Variants in ARK2C observed in about 807,000 individuals in gnomAD.
ARK2C encodes arkadia (RNF111) C-terminal like ring finger ubiquitin ligase 2C, also known as E3 ubiquitin-protein ligase ARK2C.
chr18:46,339,202 C>A, the ARK2C span, among the ~76,000 whole-genome samples: 2 of 152,158 alleles, frequency 1.3e-5, no homozygotes, highest in African/African-American at 4.8e-5. Context: ...CTTAGAAAGC[C>A]TCCAATCCAA....
chr18:46,360,814 C>G, the ARK2C span, among the ~76,000 whole-genome samples: 1 of 152,338 alleles, frequency 6.6e-6, no homozygotes, highest in African/African-American at 2.4e-5. Flanking sequence ...GGCAGGGTCA[C>G]AGGGCCCACC....
chr18:46,439,229 G>A, the ARK2C span, among the ~76,000 whole-genome samples: 1 of 152,244 alleles, frequency 6.6e-6, no homozygotes. Flanking sequence ...AAGGCTGATG[G>A]CTTTGTTGGG....
chr18:46,437,339 T>G, the ARK2C span, among the ~76,000 whole-genome samples: 1 of 152,268 alleles, frequency 6.6e-6, no homozygotes, highest in South Asian at 2.1e-4. Flanking sequence ...ATCCCAGCCC[T>G]CTTTTCTAGA....
chr18:46,428,638 T>G, the ARK2C span, among the ~76,000 whole-genome samples: 25 of 152,242 alleles, frequency 1.6e-4, no homozygotes, highest in Non-Finnish European at 3.2e-4. Context: ...TAGGGCGAAT[T>G]GACATGTGTG....
At chr18:46,379,806 C>T in the ARK2C span, among the ~76,000 whole-genome samples, 10 of 152,212 alleles carry the variant, frequency 6.6e-5, no homozygotes, top group Admixed American at 2.0e-4. Flanking sequence ...GTTTCAGGGC[C>T]CGTTCAAGAG....
the ARK2C span, among the ~76,000 whole-genome samples, chr18:46,402,060 C>G: frequency 6.6e-6 from 1 of 152,338 alleles, no homozygotes; most frequent in Non-Finnish European, 1.5e-5. Flanking sequence ...GGCAGTCACT[C>G]CACTGTTTTG....
the ARK2C span, among the ~76,000 whole-genome samples, chr18:46,413,085 T>A: frequency 6.6e-6 from 1 of 152,134 alleles, no homozygotes. Flanking sequence ...TGGCACTCTG[T>A]TCAAGTTTGT....
chr18:46,453,392 C>T, the ARK2C span, among the ~76,000 whole-genome samples: 12 of 152,116 alleles, frequency 7.9e-5, no homozygotes, highest in Admixed American at 3.9e-4. Flanking sequence ...CGAGGATGCA[C>T]GCCTCACCTG....
the ARK2C span, chr18:46,334,695 TGTGTGTGTGTGTGTGTGTGTGAGAGA>T: frequency 6.4e-6 from 2 of 311,470 alleles, no homozygotes; most frequent in Non-Finnish European, 1.1e-5. The surrounding 1 kb of genome is among the most constrained non-coding windows in gnomAD (Gnocchi z 4.4). Flanking sequence ...TGTGTGTGTG[TGTGTGTGTGTGTGTGTGTGTGAGAGA>T]GAGAGAGAGC....
chr18:46,405,465 C>G, the ARK2C span, among the ~76,000 whole-genome samples: 2 of 152,096 alleles, frequency 1.3e-5, no homozygotes, highest in African/African-American at 4.8e-5. Flanking sequence ...AGGAGGGCTG[C>G]AGACACAGCT....
At chr18:46,347,008 G>T in the ARK2C span, among the ~76,000 whole-genome samples, 3 of 152,236 alleles carry the variant, frequency 2.0e-5, no homozygotes, top group African/African-American at 7.2e-5. Flanking sequence ...CCAAACAGTG[G>T]TCATGCTGGC....
At chr18:46,406,331 C>T in the ARK2C span, among the ~76,000 whole-genome samples, 1 of 152,204 alleles carries the variant, frequency 6.6e-6, no homozygotes, top group Non-Finnish European at 1.5e-5. Context: ...GCCAGGCAGC[C>T]CACACTTGGG....
chr18:46,444,367 C>T, the ARK2C span, among the ~76,000 whole-genome samples: 1 of 152,090 alleles, frequency 6.6e-6, no homozygotes, highest in African/African-American at 2.4e-5. Flanking sequence ...CTTCCATCCC[C>T]TCTTTTTGGG....
At chr18:46,435,409 G>C in the ARK2C span, 1 of 1,586,390 alleles carries the variant, frequency 6.3e-7, no homozygotes. Flanking sequence ...GAGTCTTCAG[G>C]GCCCCTGGGG....
chr18:46,440,273 TGAGA>T, the ARK2C span, among the ~76,000 whole-genome samples: 97 of 148,406 alleles, frequency 6.5e-4, no homozygotes, highest in South Asian at 1.1e-3. Context: ...TTTGAGAGAC[TGAGA>T]GAGAGAGAGA....
At chr18:46,356,580 C>T in the ARK2C span, among the ~76,000 whole-genome samples, 1 of 152,146 alleles carries the variant, frequency 6.6e-6, no homozygotes, top group African/African-American at 2.4e-5. Flanking sequence ...CTTCTTGCCT[C>T]CAGATCAGGG....
the ARK2C span, among the ~76,000 whole-genome samples, chr18:46,380,921 CAG>C: frequency 3.3e-5 from 5 of 152,216 alleles, no homozygotes; most frequent in Non-Finnish European, 7.3e-5. Flanking sequence ...GAAGGCTACA[CAG>C]AGAGCAAACC....
At chr18:46,391,948 G>T in the ARK2C span, among the ~76,000 whole-genome samples, 1 of 149,956 alleles carries the variant, frequency 6.7e-6, no homozygotes, top group Non-Finnish European at 1.5e-5. Flanking sequence ...CAACACACAC[G>T]CACATGACAC....
chr18:46,425,339 G>A, the ARK2C span, among the ~76,000 whole-genome samples: 1 of 152,246 alleles, frequency 6.6e-6, no homozygotes, highest in Non-Finnish European at 1.5e-5. Flanking sequence ...ACCCTGGGCA[G>A]ACCTGTGCTT....
Sources: allele counts gnomAD v4.1 joint callset (sites outside exome capture counted in the v4.1 genomes callset), GRCh38; gene constraint gnomAD v4.1.1; non-coding constraint Gnocchi (gnomAD v3.1); transcripts MANE v1.5; gene names NCBI Gene and HGNC (gene_info 2026-07-23, HGNC 2026-07-21).